The following PID1 variants were observed in gnomAD, a reference collection of about 807,000 sequenced individuals.
The protein encoded by PID1 is phosphotyrosine interaction domain containing 1, also known as PTB-containing, cubilin and LRP1-interacting protein.
In PID1, 10 loss-of-function variants were observed where a neutral mutation model predicts 19.1. The observed-to-expected ratio is 0.52, with a 90% confidence interval of 0.32 to 0.89. The LOEUF is 0.89. PID1 is among the 40% of genes least tolerant of loss of function. The pLI is 0.03. For missense variants in PID1, 248 were observed against 285.3 expected (o/e 0.87, Z 0.94); for synonymous variants, 130 against 116.0 (o/e 1.12, Z -0.78).
chr2:229,220,722 C>T (rs1347225388), intron 1 of PID1, among the ~76,000 whole-genome samples: 2 of 152,100 alleles, frequency 1.3e-5, no homozygotes, highest in Non-Finnish European at 2.9e-5. Flanking sequence ...ACTCCACCTC[C>T]GCATTAATGC....
chr2:229,270,917 G>T, intron 1 of PID1, 97 bp downstream of exon 1: 3 of 1,128,046 alleles, frequency 2.7e-6, no homozygotes, highest in Non-Finnish European at 3.7e-6. Context: ...AGATGGTTTT[G>T]GGCAAATCCC....
intron 1 of PID1, among the ~76,000 whole-genome samples, chr2:229,185,869 A>G (rs1365467824): frequency 6.6e-6 from 1 of 152,174 alleles, no homozygotes; most frequent in Non-Finnish European, 1.5e-5. Flanking sequence ...TGTCTTCCCA[A>G]CAGTCCTCCA....
chr2:229,102,107 G>A (rs1695085127), intron 2 of PID1, among the ~76,000 whole-genome samples: 6 of 152,014 alleles, frequency 3.9e-5, no homozygotes, highest in Admixed American at 2.6e-4. Context: ...GGCCAGGCAA[G>A]GCAAGGACAC....
chr2:229,127,380 A>G (rs1193972894), intron 2 of PID1, among the ~76,000 whole-genome samples: 1 of 152,200 alleles, frequency 6.6e-6, no homozygotes, highest in African/African-American at 2.4e-5. Flanking sequence ...TGAATCAGCA[A>G]GATTGCCGGT....
At chr2:229,125,831 A>G (rs1277509336) in intron 2 of PID1, among the ~76,000 whole-genome samples, 1 of 152,162 alleles carries the variant, frequency 6.6e-6, no homozygotes, top group African/African-American at 2.4e-5. Context: ...GCCTTCATGC[A>G]GGCAGCTGGT....
In PID1 at chr2:229,050,206, G is replaced by A. The variant is rs149984168; in HGVS notation, c.178-24098C>T. Among the ~76,000 whole-genome samples, 6 of 152,242 alleles carry A rather than the reference G, an allele frequency of 3.9e-5. No individual in the cohort carries two copies. In the South Asian group the frequency reaches 1.0e-3, roughly 26 times the overall value. On this transcript the variant is annotated intron_variant, in intron 2 of 2. Coordinates refer to ENST00000392055, the MANE Select transcript of PID1 (RefSeq NM_001100818.2). ...TCTTAGCCAACCATACAAAAGGCCC[G>A]CAGCTGTATCTGTACAATCCCCCAT...
At chr2:229,065,265 C>A (rs1391448948) in intron 2 of PID1, among the ~76,000 whole-genome samples, 1 of 152,128 alleles carries the variant, frequency 6.6e-6, no homozygotes, top group East Asian at 1.9e-4. Context: ...TTGAGAAATA[C>A]TGTTAAGTTC....
intron 2 of PID1, among the ~76,000 whole-genome samples, chr2:229,055,457 G>A (rs937290805): frequency 2.6e-5 from 4 of 152,126 alleles, no homozygotes; most frequent in African/African-American, 4.8e-5. Context: ...GATAAGCAGA[G>A]GAAAAAATAC....
At chr2:229,026,469 C>A (rs565416115) in intron 2 of PID1, among the ~76,000 whole-genome samples, 40 of 152,234 alleles carry the variant, frequency 2.6e-4, no homozygotes, top group South Asian at 1.5e-3. Context: ...TTATTTTCGG[C>A]CAAACACACA....
intron 2 of PID1, among the ~76,000 whole-genome samples, chr2:229,101,781 C>T (rs1159316295): frequency 6.6e-6 from 1 of 152,114 alleles, no homozygotes; most frequent in Non-Finnish European, 1.5e-5. Context: ...GTCTCAAACT[C>T]GGGCATTTGC....
At chr2:229,081,440 G>C (rs1201815003) in intron 2 of PID1, among the ~76,000 whole-genome samples, 1 of 152,194 alleles carries the variant, frequency 6.6e-6, no homozygotes, top group East Asian at 1.9e-4. Flanking sequence ...GATGTAACCT[G>C]TCTATAGCAG....
intron 2 of PID1, among the ~76,000 whole-genome samples, chr2:229,149,522 T>C (rs1490038019): frequency 6.6e-6 from 1 of 152,128 alleles, no homozygotes; most frequent in Non-Finnish European, 1.5e-5. Context: ...CTCAGAAACA[T>C]CTCCCCTCCC....
chr2:229,183,225 C>T (rs766115346), intron 1 of PID1, among the ~76,000 whole-genome samples: 1 of 152,158 alleles, frequency 6.6e-6, no homozygotes, highest in Non-Finnish European at 1.5e-5. Context: ...ATTATGCAAG[C>T]CAAGTTTTCA....
intron 1 of PID1, among the ~76,000 whole-genome samples, chr2:229,210,823 G>A (rs540759979): frequency 6.6e-6 from 1 of 152,286 alleles, no homozygotes; most frequent in Non-Finnish European, 1.5e-5. Context: ...CCCTCCAGGG[G>A]AGACACCTAA....
intron 1 of PID1, among the ~76,000 whole-genome samples, chr2:229,210,487 A>G (rs547912966): frequency 7.9e-6 from 1 of 127,366 alleles, no homozygotes; most frequent in South Asian, 2.7e-4. Context: ...ACTGCACTCC[A>G]GCCTGGGAGA....
chr2:229,077,301 T>G (rs887948788), intron 2 of PID1, among the ~76,000 whole-genome samples: 7 of 152,214 alleles, frequency 4.6e-5, no homozygotes, highest in African/African-American at 1.7e-4. Context: ...GTCAGATGGA[T>G]AGATTGCAAA....
At chr2:229,134,908 A>G (rs1689828596) in intron 2 of PID1, among the ~76,000 whole-genome samples, 1 of 143,898 alleles carries the variant, frequency 6.9e-6, no homozygotes, top group African/African-American at 2.5e-5. Context: ...CCGTGGGATA[A>G]ATCCCCACAA....
chr2:229,185,512 T>C (rs1340109549), intron 1 of PID1, among the ~76,000 whole-genome samples: 2 of 152,134 alleles, frequency 1.3e-5, no homozygotes, highest in Non-Finnish European at 2.9e-5. Context: ...CTTACAGTTA[T>C]ACATGGCTGG....
chr2:229,190,631 G>C (rs1255881603), intron 1 of PID1, among the ~76,000 whole-genome samples: 1 of 152,200 alleles, frequency 6.6e-6, no homozygotes, highest in East Asian at 1.9e-4. Flanking sequence ...CTGTTTTATC[G>C]GTCTATCTAC....
Sources: allele counts gnomAD v4.1 joint callset (sites outside exome capture counted in the v4.1 genomes callset), GRCh38; gene constraint gnomAD v4.1.1; transcripts MANE v1.5; gene names NCBI Gene and HGNC (gene_info 2026-07-23, HGNC 2026-07-21).